Variants in DHX32 observed in about 807,000 individuals in gnomAD.
The protein encoded by DHX32 is putative pre-mRNA-splicing factor ATP-dependent RNA helicase DHX32.
Under a neutral mutation model 70.0 loss-of-function variants are expected in DHX32, and 51 were observed. That is an observed-to-expected ratio of 0.73 (90% confidence interval 0.58 to 0.92). The LOEUF (loss-of-function observed/expected upper bound fraction) is 0.92, where lower values mean the gene tolerates loss of function less well. Among genes scored for constraint, DHX32 ranks in the 40% least tolerant of loss-of-function variants. The pLI, the probability that DHX32 is intolerant of heterozygous loss-of-function variation, is 0.00. For missense variants in DHX32, 762 were observed against 891.8 expected (o/e 0.85, Z 1.85); for synonymous variants, 310 against 315.3 (o/e 0.98, Z 0.18).
At position 125,873,160 on chromosome 10, in the gene DHX32, C is replaced by T. The variant is rs1044621139; in HGVS notation, c.283-5977G>A. Reference sequence around the variant, plus strand: ...GGCATCACGTATCCGTGTATGGTCTCATCACTGCCACTGTGGCAAGAGGAC... The same window carrying T: ...GGCATCACGTATCCGTGTATGGTCTTATCACTGCCACTGTGGCAAGAGGAC... On this transcript the variant is annotated intron_variant, in intron 1 of 10. Coordinates refer to ENST00000284690, the MANE Select transcript of DHX32 (RefSeq NM_018180.3). 2.0e-4 allele frequency among the ~76,000 whole-genome samples: 30 copies of T among 152,182 alleles called. 1 individual carries two copies. Among genetic ancestry groups the T allele is most frequent in the Admixed American group, 1.8e-3 (27 of 15,282 alleles).
At chr10:125,879,567 C>A (rs1944305164) in intron 1 of DHX32, among the ~76,000 whole-genome samples, 1 of 152,184 alleles carries the variant, frequency 6.6e-6, no homozygotes, top group Admixed American at 6.6e-5. Context: ...GCCCTTGCTG[C>A]TAGAATGGGG....
intron 9 of DHX32, 119 bp from the exon 10 acceptor site, chr10:125,838,506 G>T (rs1446252090): frequency 2.1e-6 from 2 of 940,738 alleles, no homozygotes; most frequent in East Asian, 5.6e-5. Context: ...ACTAACGTTT[G>T]CCACTCATGT....
Position 125,852,615 on chromosome 10 carries a change from A to G in DHX32, c.1120T>C (p.Ser374Pro). 3 of 1,612,340 alleles carry G rather than the reference A, an allele frequency of 1.9e-6. No homozygotes were observed. Among genetic ancestry groups the G allele is most frequent in the Non-Finnish European group, 2.5e-6 (3 of 1,179,608 alleles). Residue 374 changes from serine to proline, a missense_variant, in exon 5 of 11, where the codon TCG becomes CCG. Physicochemically the swap from Ser to Pro is moderately conservative, Grantham distance 74. Coordinates refer to ENST00000284690, the MANE Select transcript of DHX32 (RefSeq NM_018180.3). ...KVYNPRIRAN[S>P]LVMQPISQSQ... ...TGGCTGATGGGCTGCATGACGAGCG[A>G]GTTTGCTCTTATTCTCGGGTTGTAC...
chr10:125,882,101 C>T (rs796709406), upstream of DHX32, among the ~76,000 whole-genome samples: 9 of 152,120 alleles, frequency 5.9e-5, no homozygotes, highest in African/African-American at 1.9e-4. Context: ...CAAGAAAGAG[C>T]AAGATTTATA....
At chr10:125,848,433 A>G (rs1030309657) in intron 6 of DHX32, among the ~76,000 whole-genome samples, 2 of 152,200 alleles carry the variant, frequency 1.3e-5, no homozygotes, top group African/African-American at 4.8e-5. Context: ...AATTTTACAG[A>G]TGAGAAAAAG....
chr10:125,836,843 C>T lies in DHX32; in HGVS notation c.2076G>A (p.Leu692=), dbSNP rs1182564083. 6.2e-7 allele frequency: 1 copy of T among 1,613,830 alleles called. No individual in the cohort carries two copies. The highest frequency in any genetic ancestry group is 1.3e-5 in the African/African-American group (1 of 74,884). The change falls in exon 11 of 11, where the codon CTG becomes CTA. Residue 692 remains leucine (L), a synonymous_variant. Coordinates refer to ENST00000284690, the MANE Select transcript of DHX32 (RefSeq NM_018180.3). Reference sequence around the variant, plus strand: ...GATTACTGAAATAGTATTGTGGTACCAGCTGCATAAATCTGTTTATTTAAG... The same window carrying T: ...GATTACTGAAATAGTATTGTGGTACTAGCTGCATAAATCTGTTTATTTAAG... ...SEISPELFMQ[L]VPQYYFSNLP... is the part of the protein sequence containing the mutation.
intron 1 of DHX32, among the ~76,000 whole-genome samples, chr10:125,876,998 A>C (rs1944288398): frequency 6.6e-6 from 1 of 152,166 alleles, no homozygotes; most frequent in South Asian, 2.1e-4. Context: ...TCATGTCCTC[A>C]ACCTACCCCT....
At chr10:125,840,625 ACAGGCCCGCCATGGTGGCACAC>A (rs1288529225) in intron 8 of DHX32, among the ~76,000 whole-genome samples, 200 bp downstream of exon 8, 1 of 152,250 alleles carries the variant, frequency 6.6e-6, no homozygotes, top group African/African-American at 2.4e-5. Context: ...CTCTGGAAGT[ACAGGCCCGCCATGGTGGCACAC>A]CAGAGCTCCG....
intron 2 of DHX32, among the ~76,000 whole-genome samples, chr10:125,862,248 A>G (rs1285436599): frequency 6.6e-6 from 1 of 152,134 alleles, no homozygotes; most frequent in African/African-American, 2.4e-5. Context: ...TCCTCTCTGG[A>G]TCTTTATGAG....
chr10:125,890,491 T>C (rs1180664374), intron 1 of DHX32: 1 of 152,238 alleles, frequency 6.6e-6, no homozygotes, highest in Non-Finnish European at 1.5e-5. Context: ...AACGAGTTGA[T>C]TGCTTTGATT....
Position 125,840,846 on chromosome 10 carries a change from C to T in DHX32, c.1693+1G>A, listed in dbSNP as rs776427658. On this transcript the variant is annotated splice_donor_variant, in intron 8 of 10. Transcript: ENST00000284690. LOFTEE classifies it high-confidence loss of function. Reference sequence around the variant, plus strand: ...TAGGTAGTTTCTGAGCATTCACTTACACTCACTGCTAGAATTCAGAGTTGT... The same window carrying T: ...TAGGTAGTTTCTGAGCATTCACTTATACTCACTGCTAGAATTCAGAGTTGT... 7 of 1,583,130 alleles carry T rather than the reference C, an allele frequency of 4.4e-6. No homozygotes were observed. In the East Asian group the frequency reaches 1.1e-4, roughly 26 times the overall value.
upstream of DHX32, among the ~76,000 whole-genome samples, chr10:125,884,918 CTT>C (rs1037073158): frequency 6.6e-6 from 1 of 152,072 alleles, no homozygotes; most frequent in African/African-American, 2.4e-5. Context: ...CTCTCTTCCC[CTT>C]TCTCTCTTTA....
At chr10:125,878,792 T>A (rs1944299559) in intron 1 of DHX32, among the ~76,000 whole-genome samples, 2 of 151,166 alleles carry the variant, frequency 1.3e-5, no homozygotes. Flanking sequence ...CACTGCAACC[T>A]CCACCTCCTG....
chr10:125,856,639 T>C (rs931652957), intron 3 of DHX32, among the ~76,000 whole-genome samples: 4 of 152,134 alleles, frequency 2.6e-5, no homozygotes, highest in Non-Finnish European at 5.9e-5. Flanking sequence ...ATTTAAAACA[T>C]ACTTCTTAAT....
Position 125,859,612 on chromosome 10 carries a change from G to A in DHX32, c.840C>T (p.Ala280=). ...AGTATCACTTACTTACTTGTTCACA[G>A]GCCAGAAAGACTACAATGTCACCTT... ...GEKGDIVVFL[A]CEQDIEKVCE... Residue 280 remains alanine (A), a synonymous_variant, in exon 3 of 11, where the codon GCC becomes GCT. Coordinates refer to ENST00000284690, the MANE Select transcript of DHX32 (RefSeq NM_018180.3). 6.3e-7 allele frequency: 1 copy of A among 1,584,272 alleles called. No individual in the cohort carries two copies. The highest frequency in any genetic ancestry group is 1.2e-5 in the South Asian group (1 of 85,240).
At chr10:125,855,457 T>TG (rs796299044) in intron 3 of DHX32, among the ~76,000 whole-genome samples, 32 of 146,782 alleles carry the variant, frequency 2.2e-4, no homozygotes, top group African/African-American at 8.3e-4. Flanking sequence ...TGTTTTTTTT[T>TG]TTTTTTTTTG....
At position 125,853,270 on chromosome 10, in the gene DHX32, T is replaced by C. The variant is rs1202153174; in HGVS notation, c.1093-628A>G. 7 of 1,463,094 alleles carry C rather than the reference T, an allele frequency of 4.8e-6. No homozygotes were observed. In the African/African-American group the frequency reaches 5.6e-5, roughly 12 times the overall value. The allele number at this position is 1,463,094 out of a possible 1,614,324, so 90.6% of individuals were successfully genotyped here. On this transcript the variant is annotated intron_variant, in intron 4 of 10. Transcript: ENST00000284690. ...AAGTCAGGGATATTTAGGAGGCTCA[T>C]AGTCTCCTGGAGGGATAAAACATCT...
At position 125,840,851 on chromosome 10, in the gene DHX32, A is replaced by G. The variant is rs1406964015; in HGVS notation, c.1689T>C (p.Ser563=). ...AYQDTTLNSS[S]EYCVEKWCRD... The stretch of plus-strand genomic sequence containing the variant: ...AGTTTCTGAGCATTCACTTACACTC[A>G]CTGCTAGAATTCAGAGTTGTGTCTT... The change falls in exon 8 of 11, where the codon AGT becomes AGC. Residue 563 remains serine, a synonymous_variant. Coordinates refer to ENST00000284690, the MANE Select transcript of DHX32 (RefSeq NM_018180.3). 3 of 1,586,108 alleles carry G rather than the reference A, an allele frequency of 1.9e-6. No individual in the cohort carries two copies. The highest frequency in any genetic ancestry group is 2.6e-6 in the Non-Finnish European group (3 of 1,161,428).
chr10:125,841,450 C>T (rs1026630578), intron 7 of DHX32: 3 of 1,541,334 alleles, frequency 1.9e-6, no homozygotes, highest in African/African-American at 2.8e-5. Flanking sequence ...TCTAGTGACA[C>T]ATTTTCTTCA....
Sources: gnomAD v4.1 joint callset for allele counts (sites outside exome capture counted in the v4.1 genomes callset) on GRCh38, gnomAD v4.1.1 for gene constraint, MANE v1.5 for transcripts, NCBI Gene and HGNC (gene_info 2026-07-23, HGNC 2026-07-21) for gene names.